The following PPP1R9A variants were observed in gnomAD, a reference collection of about 807,000 sequenced individuals.
The protein encoded by PPP1R9A is protein phosphatase 1 regulatory subunit 9A.
In PPP1R9A, 59 loss-of-function variants were observed where a neutral mutation model predicts 141.9. The ratio of observed to expected loss-of-function variants is 0.42; its 90% CI spans 0.34 to 0.52. The LOEUF (loss-of-function observed/expected upper bound fraction) is 0.52. Ranked by LOEUF, PPP1R9A falls within the 20% of genes least tolerant of loss-of-function variation. The probability of loss-of-function intolerance (pLI) is 0.10; values close to 1 mark genes in which losing one functional copy is unlikely to be tolerated. For synonymous variants in PPP1R9A, 500 were observed against 569.7 expected (o/e 0.88, Z 1.74); for missense variants, 1,444 against 1,611.9 (o/e 0.90, Z 1.78).
At chr7:95,160,399 A>G (rs928764902) in intron 4 of PPP1R9A, among the ~76,000 whole-genome samples, 1 of 152,186 alleles carries the variant, frequency 6.6e-6, no homozygotes, top group African/African-American at 2.4e-5. Flanking sequence ...TGATATAAAT[A>G]TGTAAATATA....
rs191475205 is a variant in PPP1R9A at position 95,086,920 on chromosome 7, C to A, written c.1396-24339C>A. Among the ~76,000 whole-genome samples, 3 of 152,020 alleles carry A rather than the reference C, an allele frequency of 2.0e-5. No individual in the cohort carries two copies. In the East Asian group the frequency reaches 5.8e-4, roughly 29 times the overall value. On this transcript the variant is annotated intron_variant, in intron 2 of 19. Coordinates refer to ENST00000433360, the MANE Select transcript of PPP1R9A (RefSeq NM_001166160.2). Reference sequence around the variant, plus strand: ...GTTTAGGTCGGGAGCAAGTGGCTCACACCTGTAATCCTAGCACTTTGGGAG... The same window carrying A: ...GTTTAGGTCGGGAGCAAGTGGCTCAAACCTGTAATCCTAGCACTTTGGGAG...
At chr7:95,214,983 T>A (rs1362419687) in intron 7 of PPP1R9A, among the ~76,000 whole-genome samples, 3 of 152,028 alleles carry the variant, frequency 2.0e-5, no homozygotes. Context: ...TTTTTTAATA[T>A]ATATAAACTT....
intron 2 of PPP1R9A, among the ~76,000 whole-genome samples, chr7:95,079,467 A>G (rs1314817516): frequency 2.0e-5 from 3 of 152,052 alleles, no homozygotes; most frequent in African/African-American, 7.2e-5. Flanking sequence ...AACCAAAAAG[A>G]GTCCAGGACC....
intron 2 of PPP1R9A, among the ~76,000 whole-genome samples, chr7:95,075,019 C>T (rs1814630934): frequency 6.6e-6 from 1 of 151,788 alleles, no homozygotes; most frequent in South Asian, 2.1e-4. Context: ...GTAATTGGTT[C>T]ATTTTTCTAT....
intron 2 of PPP1R9A, among the ~76,000 whole-genome samples, chr7:94,912,799 G>A (rs1791615274): frequency 6.6e-6 from 1 of 152,146 alleles, no homozygotes; most frequent in Non-Finnish European, 1.5e-5. Flanking sequence ...TTAAACTGTA[G>A]TTTAAAATAA....
chr7:95,292,323 T>C lies in PPP1R9A; in HGVS notation c.*2020T>C, dbSNP rs1806483607. 6.6e-6 allele frequency: 1 copy of C among 152,632 alleles called. No individual in the cohort carries two copies. Among genetic ancestry groups the C allele is most frequent in the African/African-American group, 2.4e-5 (1 of 41,448 alleles). 9.5% of individuals were successfully genotyped at this position (152,632 alleles called of 1,614,324 possible). ...AAACACTAAATTAGTAAAAATCTGG[T>C]AATATTAGTGCTTGCTATTGTAAAT... On this transcript the variant is annotated 3_prime_UTR_variant, in exon 20 of 20. Coordinates refer to ENST00000433360, the MANE Select transcript of PPP1R9A (RefSeq NM_001166160.2).
chr7:95,223,256 T>G (rs1318662904), intron 7 of PPP1R9A, among the ~76,000 whole-genome samples: 1 of 151,946 alleles, frequency 6.6e-6, no homozygotes, highest in Non-Finnish European at 1.5e-5. Context: ...ACTGGCAAAG[T>G]CCACAAAAGA....
intron 2 of PPP1R9A, among the ~76,000 whole-genome samples, chr7:94,947,906 T>C (rs889227717): frequency 1.3e-5 from 2 of 152,144 alleles, no homozygotes; most frequent in African/African-American, 4.8e-5. Flanking sequence ...TTGACACTTA[T>C]AGCCAAGTAG....
At chr7:95,197,158 A>G (rs936152161) in intron 5 of PPP1R9A, among the ~76,000 whole-genome samples, 1 of 152,166 alleles carries the variant, frequency 6.6e-6, no homozygotes, top group Non-Finnish European at 1.5e-5. Context: ...AGACAGCAAC[A>G]TACATTAATC....
At chr7:95,104,614 C>T (rs912646347) in intron 2 of PPP1R9A, among the ~76,000 whole-genome samples, 18 of 152,178 alleles carry the variant, frequency 1.2e-4, no homozygotes, top group Non-Finnish European at 2.1e-4. Flanking sequence ...TGGCTTACTT[C>T]ATTTTGCAGC....
At chr7:95,257,875 C>T (rs939917451) in intron 12 of PPP1R9A, among the ~76,000 whole-genome samples, 39 of 152,084 alleles carry the variant, frequency 2.6e-4, no homozygotes, top group Non-Finnish European at 1.6e-4. Context: ...CATAGTATTC[C>T]CTGGTGTATA....
chr7:94,932,393 ATTC>A (rs1398700985), intron 2 of PPP1R9A, among the ~76,000 whole-genome samples: 6 of 152,226 alleles, frequency 3.9e-5, no homozygotes, highest in Middle Eastern at 3.2e-3. Context: ...TTATTATTGA[ATTC>A]TTCTTAATAT....
At chr7:95,204,114 A>T (rs1432743307) in intron 7 of PPP1R9A, among the ~76,000 whole-genome samples, 1 of 152,212 alleles carries the variant, frequency 6.6e-6, no homozygotes, top group Non-Finnish European at 1.5e-5. Context: ...ACTTTTTTAG[A>T]AAATAATCTT....
At chr7:94,999,312 G>C (rs1474254455) in intron 2 of PPP1R9A, among the ~76,000 whole-genome samples, 1 of 152,092 alleles carries the variant, frequency 6.6e-6, no homozygotes, top group Non-Finnish European at 1.5e-5. Flanking sequence ...AATTCTTCCT[G>C]AAAGCTGTCC....
chr7:94,908,729 G>A (rs1011681062), intron 1 of PPP1R9A: 2 of 152,196 alleles, frequency 1.3e-5, no homozygotes, highest in African/African-American at 4.8e-5. Flanking sequence ...GGAGAGGGGA[G>A]GGTGTTTGTG....
At chr7:95,165,577 A>C (rs192750903) in intron 5 of PPP1R9A, among the ~76,000 whole-genome samples, 1 of 152,238 alleles carries the variant, frequency 6.6e-6, no homozygotes, top group South Asian at 2.1e-4. Flanking sequence ...TTCTTGACTC[A>C]CAGAAACTAT....
intron 8 of PPP1R9A, 102 bp from the exon 9 acceptor site, chr7:95,247,371 A>G (rs984148112): frequency 1.1e-6 from 1 of 894,114 alleles, no homozygotes; most frequent in African/African-American, 1.7e-5. Context: ...GCACTTTTCT[A>G]GGCCTTTTAC....
At chr7:95,174,535 G>A (rs1832618038) in intron 5 of PPP1R9A, among the ~76,000 whole-genome samples, 1 of 152,026 alleles carries the variant, frequency 6.6e-6, no homozygotes, top group Admixed American at 6.6e-5. Flanking sequence ...CAGTAAAACT[G>A]AATTTTAAAA....
rs74486219 is a variant in PPP1R9A at position 95,288,794 on chromosome 7, G to T, written c.3912+76G>T. On this transcript the variant is annotated intron_variant, in intron 19 of 19. Transcript: ENST00000433360. Reference sequence around the variant, plus strand: ...CATATCACCTAAAATGTTTTCATTAGGTAAGAGCATTCTGCATATCTGAGA... The same window carrying T: ...CATATCACCTAAAATGTTTTCATTATGTAAGAGCATTCTGCATATCTGAGA... 3.6e-5 allele frequency: 54 copies of T among 1,502,588 alleles called. No homozygotes were observed. In the Admixed American group the frequency reaches 1.0e-3, roughly 29 times the overall value. 93.1% of individuals were successfully genotyped at this position (1,502,588 alleles called of 1,614,324 possible). A position where few individuals can be genotyped will look rare whatever the true frequency, so the allele number is the denominator to read the frequency against.
Sources: allele counts gnomAD v4.1 joint callset (sites outside exome capture counted in the v4.1 genomes callset), GRCh38; gene constraint gnomAD v4.1.1; transcripts MANE v1.5; gene names NCBI Gene and HGNC (gene_info 2026-07-23, HGNC 2026-07-21).